Variants in METTL15 observed in about 807,000 individuals in gnomAD.
METTL15 encodes the protein 12S rRNA N(4)-cytidine methyltransferase METTL15.
A neutral mutation model predicts 38.3 loss-of-function variants in METTL15; 34 were observed. That is an observed-to-expected ratio of 0.89 (90% CI 0.68 to 1.18). METTL15 has a LOEUF of 1.18. Ranked by LOEUF, METTL15 falls within the 50% of genes most tolerant of loss-of-function variation. METTL15 has a pLI of 0.00. For missense variants in METTL15, 438 were observed against 498.4 expected (o/e 0.88, Z 1.15); for synonymous variants, 162 against 170.9 (o/e 0.95, Z 0.41).
intron 5 of METTL15, among the ~76,000 whole-genome samples, chr11:28,406,636 A>G (rs1850676430): frequency 6.6e-6 from 1 of 152,120 alleles, no homozygotes; most frequent in South Asian, 2.1e-4. Flanking sequence ...GCAAATAGAG[A>G]CAGTTTGACT....
intron 3 of METTL15, among the ~76,000 whole-genome samples, chr11:28,117,089 TCTC>T (rs925199785): frequency 3.3e-5 from 5 of 152,100 alleles, no homozygotes; most frequent in Middle Eastern, 3.2e-3. Context: ...AAAATGAAAT[TCTC>T]TTCGTGCTTT....
At chr11:28,175,505 TC>T (rs1283655687) in intron 3 of METTL15, among the ~76,000 whole-genome samples, 1 of 152,170 alleles carries the variant, frequency 6.6e-6, no homozygotes, top group Non-Finnish European at 1.5e-5. Context: ...TAGTTCTAGA[TC>T]CCTGAGGAAT....
intron 5 of METTL15, among the ~76,000 whole-genome samples, chr11:28,291,274 G>T (rs1014127637): frequency 1.6e-4 from 24 of 151,996 alleles, no homozygotes; most frequent in Non-Finnish European, 1.5e-5. Flanking sequence ...TGGATCTCCT[G>T]ACCTCAAGTG....
At chr11:28,396,817 A>G (rs922490609) in intron 5 of METTL15, among the ~76,000 whole-genome samples, 2 of 152,210 alleles carry the variant, frequency 1.3e-5, no homozygotes, top group African/African-American at 2.4e-5. Context: ...AGCTGGAGGC[A>G]TCCTGCTACC....
intron 6 of METTL15, among the ~76,000 whole-genome samples, chr11:28,312,020 T>C (rs897668391): frequency 3.9e-5 from 6 of 152,136 alleles, no homozygotes; most frequent in African/African-American, 1.4e-4. Flanking sequence ...AGGAAAGCAT[T>C]CCTTTTTTTT....
intron 5 of METTL15, among the ~76,000 whole-genome samples, chr11:28,406,606 G>T (rs1408195087): frequency 2.0e-5 from 3 of 152,056 alleles, no homozygotes; most frequent in Non-Finnish European, 4.4e-5. Context: ...GGATCTTCTA[G>T]ATATAGGATT....
intron 3 of METTL15, among the ~76,000 whole-genome samples, chr11:28,345,345 C>T (rs555781709): frequency 6.6e-6 from 1 of 152,036 alleles, no homozygotes; most frequent in Non-Finnish European, 1.5e-5. Flanking sequence ...TGCGCCACCA[C>T]GCCCGGCTAA....
intron 6 of METTL15, chr11:28,517,024 CT>C (rs1159838556): frequency 1.3e-5 from 2 of 152,256 alleles, no homozygotes; most frequent in East Asian, 3.8e-4. Flanking sequence ...AGATTGTATC[CT>C]TTCAGTGATG....
chr11:28,437,031 T>G (rs573329905), intron 6 of METTL15, among the ~76,000 whole-genome samples: 7 of 152,352 alleles, frequency 4.6e-5, no homozygotes, highest in Admixed American at 4.6e-4. Flanking sequence ...CCATGCTAGA[T>G]GCTTCCTGCC....
At chr11:28,150,561 T>A (rs1850045558) in intron 3 of METTL15, among the ~76,000 whole-genome samples, 1 of 151,858 alleles carries the variant, frequency 6.6e-6, no homozygotes, top group Non-Finnish European at 1.5e-5. Context: ...ATATCTGTAC[T>A]AACTTTAAAA....
In METTL15 at chr11:28,444,834, C is replaced by A. The variant is rs546955585; in HGVS notation, c.*424+20470C>A. On this transcript the variant is annotated intron_variant and NMD_transcript_variant, in intron 6 of 7. Coordinates refer to the METTL15 transcript ENST00000532947. The stretch of plus-strand genomic sequence containing the variant: ...ACACGGAAATAAACTGTAAGCAAGG[C>A]ATTTCTCCTGTGGCTTTCTGAACTC... Among the ~76,000 whole-genome samples the A allele has an allele frequency of 3.3e-5, 5 of 152,256 alleles. No individual in the cohort carries two copies. The South Asian group carries it at 1.0e-3, about 32-fold the overall frequency.
At chr11:28,431,929 G>A (rs555454199) in intron 6 of METTL15, among the ~76,000 whole-genome samples, 2 of 151,792 alleles carry the variant, frequency 1.3e-5, no homozygotes, top group South Asian at 2.1e-4. Context: ...TGGACAACAA[G>A]CAAGCTGTGT....
intron 3 of METTL15, among the ~76,000 whole-genome samples, chr11:28,171,263 A>G (rs1445130939): frequency 6.6e-6 from 1 of 152,146 alleles, no homozygotes; most frequent in African/African-American, 2.4e-5. Flanking sequence ...GGAGAACACT[A>G]AACTTGAGAT....
chr11:28,454,492 A>C (rs1277887474), intron 6 of METTL15, among the ~76,000 whole-genome samples: 1 of 152,132 alleles, frequency 6.6e-6, no homozygotes, highest in African/African-American at 2.4e-5. Context: ...CATAGAAAAC[A>C]CCCTTTTCAA....
chr11:28,453,048 T>C (rs940860412), intron 6 of METTL15, among the ~76,000 whole-genome samples: 2 of 152,234 alleles, frequency 1.3e-5, no homozygotes, highest in African/African-American at 4.8e-5. Context: ...CTGCCCATGA[T>C]ACAGTATGGA....
At chr11:28,220,194 C>T (rs564198827) in intron 4 of METTL15, among the ~76,000 whole-genome samples, 130 of 152,150 alleles carry the variant, frequency 8.5e-4, no homozygotes, top group Non-Finnish European at 1.6e-3. Context: ...GTGTGGGAAT[C>T]GAAGTCTCTT....
chr11:28,266,254 G>A (rs1334851672), intron 4 of METTL15, among the ~76,000 whole-genome samples: 1 of 152,120 alleles, frequency 6.6e-6, no homozygotes, highest in African/African-American at 2.4e-5. Context: ...AAAGACACAT[G>A]CACATGTATG....
At chr11:28,430,777 G>A (rs1311564949) in intron 6 of METTL15, among the ~76,000 whole-genome samples, 4 of 103,592 alleles carry the variant, frequency 3.9e-5, no homozygotes, top group Admixed American at 9.0e-5. Flanking sequence ...GGTGAGGGGC[G>A]CCTCTGCCCG....
At chr11:28,236,705 T>C (rs1226935831) in intron 4 of METTL15, among the ~76,000 whole-genome samples, 2 of 152,230 alleles carry the variant, frequency 1.3e-5, no homozygotes, top group Non-Finnish European at 2.9e-5. Flanking sequence ...CTCGATGTTC[T>C]TTACATTTTG....
Sources: gnomAD v4.1 joint callset for allele counts (sites outside exome capture counted in the v4.1 genomes callset) on GRCh38, gnomAD v4.1.1 for gene constraint, MANE v1.5 for transcripts, NCBI Gene and HGNC (gene_info 2026-07-23, HGNC 2026-07-21) for gene names.